Variants in CTNNA2 observed in about 807,000 individuals in gnomAD.
The protein encoded by CTNNA2 is catenin alpha 2, also known as catenin alpha-2.
In CTNNA2, 42 loss-of-function variants were observed where a neutral mutation model predicts 101.0. That is an observed-to-expected ratio of 0.42 (90% CI 0.32 to 0.54). The LOEUF (loss-of-function observed/expected upper bound fraction) is 0.54, where lower values mean the gene tolerates loss of function less well. CTNNA2 is among the 20% of genes least tolerant of loss of function. CTNNA2 has a pLI of 0.14. For synonymous variants in CTNNA2, 450 were observed against 456.4 expected, an observed-to-expected ratio of 0.99 and a Z score of 0.18; for missense variants, 871 against 1,223.1, an observed-to-expected ratio of 0.71 and a Z score of 4.29.
At chr2:80,377,044 A>C (rs908110069) in intron 7 of CTNNA2, among the ~76,000 whole-genome samples, 4 of 152,172 alleles carry the variant, frequency 2.6e-5, no homozygotes, top group Non-Finnish European at 5.9e-5. Context: ...TCATGACTGG[A>C]CTATAGAAGT....
chr2:80,647,564 C>T (rs917483033), intron 18 of CTNNA2, 21 bp from the exon 19 acceptor site: 4 of 1,581,588 alleles, frequency 2.5e-6, no homozygotes, highest in Non-Finnish European at 3.4e-6. Flanking sequence ...CCACATGTAT[C>T]TCATTCTTTT....
At chr2:79,577,992 T>C (rs1675902707) in intron 1 of CTNNA2, among the ~76,000 whole-genome samples, 1 of 152,198 alleles carries the variant, frequency 6.6e-6, no homozygotes, top group African/African-American at 2.4e-5. Context: ...TACGTGTGAA[T>C]GTTGGTTGTC....
At chr2:80,215,305 G>A (rs1239792978) in intron 7 of CTNNA2, among the ~76,000 whole-genome samples, 2 of 152,136 alleles carry the variant, frequency 1.3e-5, no homozygotes, top group African/African-American at 4.8e-5. Context: ...TTCTGCTGCT[G>A]GTGAGGAGCT....
intron 13 of CTNNA2, among the ~76,000 whole-genome samples, chr2:80,581,254 T>A (rs216620): frequency 4.6e-5 from 7 of 152,076 alleles, no homozygotes; most frequent in Non-Finnish European, 4.4e-5. Flanking sequence ...ATAACCGTTA[T>A]ACCTTATGGC....
At chr2:79,717,365 T>C (rs1416180240) in intron 2 of CTNNA2, among the ~76,000 whole-genome samples, 1 of 152,162 alleles carries the variant, frequency 6.6e-6, no homozygotes, top group African/African-American at 2.4e-5. Flanking sequence ...TTTTAATCAC[T>C]GTGAAGAAAT....
chr2:79,607,853 A>G (rs1677998392), intron 1 of CTNNA2, among the ~76,000 whole-genome samples: 1 of 152,154 alleles, frequency 6.6e-6, no homozygotes, highest in African/African-American at 2.4e-5. Flanking sequence ...CACCTTAATA[A>G]TCTAGAAAAA....
chr2:79,479,834 A>T (rs545489255), intron 4 of CTNNA2, among the ~76,000 whole-genome samples: 4 of 152,170 alleles, frequency 2.6e-5, no homozygotes, highest in Non-Finnish European at 4.4e-5. Flanking sequence ...GAGGCAGGAG[A>T]ATCGCTTGAA....
intron 7 of CTNNA2, among the ~76,000 whole-genome samples, chr2:79,950,608 C>T (rs767164574): frequency 6.6e-6 from 1 of 152,142 alleles, no homozygotes; most frequent in Non-Finnish European, 1.5e-5. Flanking sequence ...TTATACCCTT[C>T]GATTTTCAGC....
chr2:79,893,302 A>G (rs1684436890), intron 6 of CTNNA2, among the ~76,000 whole-genome samples: 1 of 152,128 alleles, frequency 6.6e-6, no homozygotes. Context: ...TGCTTACACA[A>G]GAATCTCTTT....
At chr2:80,509,293 G>A (rs1688516916) in intron 9 of CTNNA2, among the ~76,000 whole-genome samples, 2 of 152,172 alleles carry the variant, frequency 1.3e-5, no homozygotes, top group African/African-American at 4.8e-5. Context: ...GAAAGGTGCA[G>A]CGGTCTGGGT....
At chr2:79,634,605 A>G (rs1679896703) in intron 1 of CTNNA2, 1 of 152,270 alleles carries the variant, frequency 6.6e-6, no homozygotes, top group African/African-American at 2.4e-5. Flanking sequence ...GATTTATGGC[A>G]CAGTCGAGGG....
intron 7 of CTNNA2, among the ~76,000 whole-genome samples, chr2:80,155,581 A>C (rs1333842841): frequency 6.6e-6 from 1 of 151,920 alleles, no homozygotes; most frequent in Non-Finnish European, 1.5e-5. Flanking sequence ...TGACCTGTAG[A>C]GTATTGAAAT....
At chr2:80,139,779 G>T (rs1205866557) in intron 7 of CTNNA2, among the ~76,000 whole-genome samples, 2 of 152,040 alleles carry the variant, frequency 1.3e-5, no homozygotes, top group Non-Finnish European at 1.5e-5. Flanking sequence ...AATTTCTCTG[G>T]TCTTGTCATA....
chr2:79,894,481 C>T (rs1025044745), intron 6 of CTNNA2, among the ~76,000 whole-genome samples: 1 of 152,124 alleles, frequency 6.6e-6, no homozygotes, highest in Non-Finnish European at 1.5e-5. Context: ...TTCCGTAGGT[C>T]CCTGCATACA....
chr2:80,538,814 G>A (rs1011540015), intron 9 of CTNNA2, among the ~76,000 whole-genome samples: 5 of 152,124 alleles, frequency 3.3e-5, no homozygotes, highest in African/African-American at 1.2e-4. Context: ...GTTACTTTGG[G>A]CAGTATGGCA....
intron 2 of CTNNA2, among the ~76,000 whole-genome samples, chr2:79,276,325 G>T (rs1434124994): frequency 6.6e-6 from 1 of 151,986 alleles, no homozygotes; most frequent in Non-Finnish European, 1.5e-5. Context: ...TTTGAAAGTT[G>T]TGCTAAAATA....
At chr2:80,398,269 C>T (rs927126712) in intron 8 of CTNNA2, among the ~76,000 whole-genome samples, 8 of 152,070 alleles carry the variant, frequency 5.3e-5, no homozygotes, top group Non-Finnish European at 1.2e-4. Context: ...TTTTTAAGTT[C>T]ATTGTAAAAA....
chr2:80,326,771 A>G (rs371081682), intron 7 of CTNNA2, among the ~76,000 whole-genome samples: 1 of 152,198 alleles, frequency 6.6e-6, no homozygotes, highest in Non-Finnish European at 1.5e-5. Flanking sequence ...CTCTAGCTTT[A>G]AAGGAAGATG....
intron 14 of CTNNA2, among the ~76,000 whole-genome samples, chr2:80,584,881 G>T (rs987857067): frequency 5.3e-5 from 8 of 152,152 alleles, no homozygotes; most frequent in Non-Finnish European, 1.0e-4. Context: ...ACCTAAAAGA[G>T]TTGGATCATT....
Sources: allele counts gnomAD v4.1 joint callset (sites outside exome capture counted in the v4.1 genomes callset), GRCh38; gene constraint gnomAD v4.1.1; transcripts MANE v1.5; gene names NCBI Gene and HGNC (gene_info 2026-07-23, HGNC 2026-07-21).